ACTR3: variants seen among roughly 807,000 people sequenced by gnomAD.
ACTR3 encodes the protein actin-related protein 3.
A neutral mutation model predicts 56.8 loss-of-function variants in ACTR3; 12 were observed. The observed-to-expected ratio is 0.21, with a 90% CI of 0.14 to 0.34. The LOEUF (loss-of-function observed/expected upper bound fraction) is 0.34. Ranked by LOEUF, ACTR3 falls within the 10% of genes least tolerant of loss-of-function variation. The probability of loss-of-function intolerance (pLI) is 1.00; values close to 1 mark genes in which losing one functional copy is unlikely to be tolerated. For missense variants in ACTR3, 282 were observed against 512.5 expected, an observed-to-expected ratio of 0.55 and a Z score of 4.34; for synonymous variants, 162 against 167.4, an observed-to-expected ratio of 0.97 and a Z score of 0.25.
chr2:113,912,354 T>TA (rs1293171203), intron 1 of ACTR3, among the ~76,000 whole-genome samples: 1 of 152,134 alleles, frequency 6.6e-6, no homozygotes, highest in Non-Finnish European at 1.5e-5. Flanking sequence ...CCCACATAGC[T>TA]AAAAAATGCC....
At position 113,938,895 on chromosome 2, in the gene ACTR3, ATTG is replaced by A. The variant is rs1236879032; in HGVS notation, c.541-1059_541-1057del. 4.6e-5 allele frequency among the ~76,000 whole-genome samples: 7 copies of A among 151,890 alleles called. No homozygotes were observed. In the South Asian group the frequency reaches 1.2e-3, roughly 27 times the overall value. ...GAGACCAGTTTGAGTTCTCTTTCCT[ATTG>A]TTGTGGCCTAGTAACTCTCCCTAGG... On this transcript the variant is annotated intron_variant, in intron 6 of 11. Transcript: ENST00000263238.
chr2:113,893,721 C>G (rs1678951606), intron 1 of ACTR3, among the ~76,000 whole-genome samples: 1 of 152,076 alleles, frequency 6.6e-6, no homozygotes, highest in Non-Finnish European at 1.5e-5. Context: ...ATTTCCTTTT[C>G]CCTTTTATGT....
intron 2 of ACTR3, among the ~76,000 whole-genome samples, chr2:113,913,876 C>T (rs1310939710): frequency 6.6e-6 from 1 of 152,122 alleles, no homozygotes; most frequent in Non-Finnish European, 1.5e-5. Context: ...AGGTCTGTTC[C>T]TTGATTAACG....
intron 1 of ACTR3, among the ~76,000 whole-genome samples, chr2:113,901,934 A>T (rs987302539): frequency 1.3e-5 from 2 of 152,222 alleles, no homozygotes; most frequent in Non-Finnish European, 2.9e-5. Context: ...AAGGCAAAGG[A>T]TGTTAATGCT....
At chr2:113,914,408 C>T (rs774292475) in intron 2 of ACTR3, among the ~76,000 whole-genome samples, 2 of 151,996 alleles carry the variant, frequency 1.3e-5, no homozygotes, top group African/African-American at 2.4e-5. Flanking sequence ...GTCAGGAGTT[C>T]GAGACCAGCC....
intron 11 of ACTR3, 124 bp from the exon 12 acceptor site, chr2:113,957,236 G>A: frequency 1.6e-6 from 1 of 619,922 alleles, no homozygotes; most frequent in Admixed American, 2.8e-5. Context: ...GCCATGAATG[G>A]ACTAATAATA....
At chr2:113,923,695 C>T (rs1679562475) in intron 3 of ACTR3, among the ~76,000 whole-genome samples, 1 of 149,420 alleles carries the variant, frequency 6.7e-6, no homozygotes, top group Non-Finnish European at 1.5e-5. Context: ...ACCCACTACT[C>T]AAACGTTGGT....
At chr2:113,920,707 T>A (rs1679491687) in intron 3 of ACTR3, among the ~76,000 whole-genome samples, 1 of 152,166 alleles carries the variant, frequency 6.6e-6, no homozygotes, top group African/African-American at 2.4e-5. Flanking sequence ...TGAAGTCAAT[T>A]TTTTTAGCTT....
intron 1 of ACTR3, among the ~76,000 whole-genome samples, chr2:113,894,507 T>G (rs532282433): frequency 1.3e-5 from 2 of 152,368 alleles, no homozygotes; most frequent in South Asian, 4.1e-4. Context: ...TGCATGCTGT[T>G]TGAAGTAAGT....
chr2:113,949,377 CA>C (rs1167037648), intron 8 of ACTR3, among the ~76,000 whole-genome samples: 220 of 57,716 alleles, frequency 3.8e-3, no homozygotes, highest in East Asian at 0.036. Flanking sequence ...GACTCGGTCT[CA>C]AAAAAAAAAA....
rs1367777242 is a variant in ACTR3 at position 113,962,585 on chromosome 2, G to A, written c.*5130G>A. On this transcript the variant is annotated 3_prime_UTR_variant, in exon 12 of 12. Coordinates refer to ENST00000263238, the MANE Select transcript of ACTR3 (RefSeq NM_005721.5). ...AACCACACATCTTTTTCTTATTGTG[G>A]GTACATGGGATCTTTCCCAAATAAA... 1 of 151,862 alleles carries A rather than the reference G, an allele frequency of 6.6e-6. No individual in the cohort carries two copies. Among genetic ancestry groups the A allele is most frequent in the Non-Finnish European group, 1.5e-5 (1 of 67,880 alleles). 9.4% of individuals were successfully genotyped at this position (151,862 alleles called of 1,614,324 possible).
chr2:113,930,578 C>T (rs59911573), intron 4 of ACTR3, among the ~76,000 whole-genome samples: 1,600 of 152,182 alleles, frequency 0.011, 35 homozygotes, highest in African/African-American at 0.037. Context: ...AGAGGTCTTA[C>T]CCAGTGTTAA....
chr2:113,916,044 G>A (rs1003157609), intron 2 of ACTR3, among the ~76,000 whole-genome samples: 20 of 152,262 alleles, frequency 1.3e-4, no homozygotes, highest in African/African-American at 4.6e-4. Flanking sequence ...TACACTGTAA[G>A]TAAATTGCTG....
chr2:113,927,541 G>C (rs2104605853), intron 4 of ACTR3, 86 bp downstream of exon 4: 2 of 868,248 alleles, frequency 2.3e-6, no homozygotes, highest in Non-Finnish European at 3.6e-6. Flanking sequence ...GGTATACTTT[G>C]GTTATTAAAT....
intron 10 of ACTR3, chr2:113,954,440 GT>G (rs1309348778): frequency 1.3e-5 from 2 of 152,158 alleles, no homozygotes; most frequent in African/African-American, 4.8e-5. Context: ...ATAAGCAAGA[GT>G]TTTCCCTTCT....
chr2:113,915,458 A>G (rs1339384077), intron 2 of ACTR3, among the ~76,000 whole-genome samples: 2 of 152,216 alleles, frequency 1.3e-5, no homozygotes, highest in Admixed American at 6.5e-5. Flanking sequence ...TGAAGACCCT[A>G]TTTCCAAACA....
chr2:113,911,825 C>T (rs908454631), intron 1 of ACTR3, among the ~76,000 whole-genome samples: 4 of 151,224 alleles, frequency 2.6e-5, no homozygotes, highest in African/African-American at 9.8e-5. Flanking sequence ...CAACCTCCGC[C>T]TCCTAAGTTC....
intron 3 of ACTR3, 88 bp from the exon 4 acceptor site, chr2:113,927,257 C>A: frequency 1.2e-6 from 1 of 802,994 alleles, no homozygotes; most frequent in Non-Finnish European, 1.9e-6. Flanking sequence ...CTAATATCCA[C>A]TAATGATCTG....
At chr2:113,912,864 G>A (rs1468691219) in intron 1 of ACTR3, among the ~76,000 whole-genome samples, 1 of 152,134 alleles carries the variant, frequency 6.6e-6, no homozygotes, top group Non-Finnish European at 1.5e-5. Context: ...CAGTTTGATT[G>A]ATATTTAGGT....
Sources: allele counts gnomAD v4.1 joint callset (sites outside exome capture counted in the v4.1 genomes callset), GRCh38; gene constraint gnomAD v4.1.1; transcripts MANE v1.5; gene names NCBI Gene and HGNC (gene_info 2026-07-23, HGNC 2026-07-21).